Variants in TRAK2 observed in about 807,000 individuals in gnomAD.
TRAK2 encodes the protein trafficking kinesin protein 2, also known as trafficking kinesin-binding protein 2.
Under a neutral mutation model 104.6 loss-of-function variants are expected in TRAK2, and 81 were observed. That is an observed-to-expected ratio of 0.77 (90% CI 0.65 to 0.93). The LOEUF is 0.93. TRAK2 is among the 40% of genes least tolerant of loss of function. The pLI is 0.00. For missense variants in TRAK2, 1,002 were observed against 1,089.0 expected (o/e 0.92, Z 1.12); for synonymous variants, 406 against 394.4 (o/e 1.03, Z -0.35).
rs1343781640 is a variant in TRAK2, at chr2:201,379,716, C to T, written c.*827G>A. 1 of 152,426 alleles carries T rather than the reference C, an allele frequency of 6.6e-6. No homozygotes were observed. The highest frequency in any genetic ancestry group is 1.5e-5 in the Non-Finnish European group (1 of 68,002). 9.4% of individuals were successfully genotyped at this position (152,426 alleles called of 1,614,324 possible). ...ATGTTTGTATTCCTTGGCTACTGTA[C>T]TTATTCAGACGAAATATTCTAAAAA... On this transcript the variant is annotated 3_prime_UTR_variant, in exon 16 of 16. Coordinates refer to ENST00000332624, the MANE Select transcript of TRAK2 (RefSeq NM_015049.3).
intron 3 of TRAK2, 75 bp from the exon 4 acceptor site, chr2:201,401,169 GA>G: frequency 1.0e-6 from 1 of 961,270 alleles, no homozygotes; most frequent in South Asian, 2.0e-5. Flanking sequence ...AGAATTGAGA[GA>G]TAACAACAAC....
At chr2:201,395,048 T>G in intron 8 of TRAK2, 176 bp from the exon 9 acceptor site, 1 of 657,208 alleles carries the variant, frequency 1.5e-6, no homozygotes, top group Non-Finnish European at 2.6e-6. Flanking sequence ...TATCAAGGTG[T>G]TCAGAGGACA....
At chr2:201,385,379 G>A (rs1951379532) in intron 14 of TRAK2, among the ~76,000 whole-genome samples, 1 of 150,018 alleles carries the variant, frequency 6.7e-6, no homozygotes, top group African/African-American at 2.5e-5. Context: ...GTTTCACCAT[G>A]TTGGCCAGGC....
chr2:201,381,290 G>T (rs1456841536), intron 15 of TRAK2, 72 bp from the exon 16 acceptor site: 42 of 1,351,208 alleles, frequency 3.1e-5, no homozygotes, highest in Non-Finnish European at 4.1e-5. Flanking sequence ...GGCATTTAAA[G>T]AAATTATAGT....
intron 1 of TRAK2, among the ~76,000 whole-genome samples, chr2:201,439,201 A>G (rs1378430302): frequency 6.6e-6 from 1 of 152,168 alleles, no homozygotes; most frequent in Non-Finnish European, 1.5e-5. Flanking sequence ...CTGTTAGAAC[A>G]TGTGGAAATG....
intron 1 of TRAK2, among the ~76,000 whole-genome samples, chr2:201,440,323 C>G (rs1004765246): frequency 6.6e-6 from 1 of 152,128 alleles, no homozygotes. Context: ...CCCTTTCTAA[C>G]TCGCTGTTGG....
Position 201,416,744 on chromosome 2 carries a change from T to C in TRAK2, c.91+3673A>G, listed in dbSNP as rs143055675. On this transcript the variant is annotated intron_variant, in intron 2 of 15. Transcript: ENST00000332624. ...TTTAAGAGTGTCACTTTATTAAATATAATGTTATTTGAAGATGGGCTTTGA... is the reference window on the plus strand; with the variant it reads ...TTTAAGAGTGTCACTTTATTAAATACAATGTTATTTGAAGATGGGCTTTGA... Among the ~76,000 whole-genome samples the C allele has an allele frequency of 6.8e-3, 1,038 of 152,216 alleles. 5 individuals carry two copies. Among genetic ancestry groups the C allele is most frequent in the Non-Finnish European group, 8.4e-3 (569 of 68,004 alleles).
chr2:201,407,389 A>G lies in TRAK2; in HGVS notation c.286+14T>C, dbSNP rs767611008. 2 of 1,605,774 alleles carry G rather than the reference A, an allele frequency of 1.2e-6. No homozygotes were observed. The highest frequency in any genetic ancestry group is 1.7e-6 in the Non-Finnish European group (2 of 1,175,850). On this transcript the variant is annotated intron_variant, in intron 3 of 15. Coordinates refer to ENST00000332624, the MANE Select transcript of TRAK2 (RefSeq NM_015049.3). Reference sequence around the variant, plus strand: ...CTTTAATGCACAAACTAAAAGAGTAAAAAAAATACTCACTCATGTAACGGA... The same window carrying G: ...CTTTAATGCACAAACTAAAAGAGTAGAAAAAATACTCACTCATGTAACGGA...
chr2:201,413,399 A>G, intron 2 of TRAK2: 1 of 525,974 alleles, frequency 1.9e-6, no homozygotes, highest in Non-Finnish European at 3.3e-6. Context: ...CCCTAAACAC[A>G]GGCTGTTCCT....
intron 2 of TRAK2, chr2:201,419,106 T>A (rs187499166): frequency 6.6e-6 from 1 of 152,140 alleles, no homozygotes; most frequent in Non-Finnish European, 1.5e-5. Context: ...AGTAAGCACA[T>A]GAAAAGGTGC....
rs180906858 is a variant in TRAK2, at chr2:201,417,099, A to G, written c.91+3318T>C. 2.0e-3 allele frequency among the ~76,000 whole-genome samples: 292 copies of G among 143,212 alleles called. 1 individual carries two copies. Among genetic ancestry groups the G allele is most frequent in the Admixed American group, 2.3e-3 (32 of 14,150 alleles). 94.0% of individuals were successfully genotyped at this position (143,212 alleles called of 152,430 possible). On this transcript the variant is annotated intron_variant, in intron 2 of 15. Coordinates refer to ENST00000332624, the MANE Select transcript of TRAK2 (RefSeq NM_015049.3). ...TACACAGTTAAATGTAAAGATTCAG[A>G]TGAGTTTAAAAAGTAAAAACATGAA...
In TRAK2 at chr2:201,410,777, T is replaced by C. The variant is rs562564413; in HGVS notation, c.92-3180A>G. The stretch of plus-strand genomic sequence containing the variant: ...GGTTTCTGTTGTGATAATTGGTTCA[T>C]GCTAACTTTGGGTTTCTGAGGGCCA... On this transcript the variant is annotated intron_variant, in intron 2 of 15. Coordinates refer to ENST00000332624, the MANE Select transcript of TRAK2 (RefSeq NM_015049.3). The C allele has an allele frequency of 1.8e-5, 29 of 1,602,566 alleles. 1 individual carries two copies. Among genetic ancestry groups the C allele is most frequent in the African/African-American group, 1.3e-4 (10 of 74,824 alleles).
intron 1 of TRAK2, among the ~76,000 whole-genome samples, chr2:201,422,463 C>T (rs926335078): frequency 1.3e-5 from 2 of 151,508 alleles, no homozygotes; most frequent in Non-Finnish European, 2.9e-5. Context: ...TTAATTCATT[C>T]TCATGCCTGC....
At chr2:201,393,099 GA>G (rs997073385) in intron 9 of TRAK2, 53 bp from the exon 10 acceptor site, 15 of 1,526,684 alleles carry the variant, frequency 9.8e-6, no homozygotes, top group South Asian at 6.5e-5. Context: ...CAACATTAGG[GA>G]AAAAAAACCC....
At chr2:201,392,772 T>C (rs1426026167) in intron 10 of TRAK2, 137 bp downstream of exon 10, 2 of 799,042 alleles carry the variant, frequency 2.5e-6, no homozygotes, top group African/African-American at 1.7e-5. Flanking sequence ...AGGGCCTAAA[T>C]CAATAATTGG....
intron 1 of TRAK2, among the ~76,000 whole-genome samples, chr2:201,450,780 A>AT (rs888930563): frequency 8.0e-5 from 12 of 150,446 alleles, no homozygotes; most frequent in Non-Finnish European, 1.3e-4. Flanking sequence ...TATGACGCAG[A>AT]TTTTTTTTTA....
intron 14 of TRAK2, among the ~76,000 whole-genome samples, chr2:201,384,874 A>C (rs915531216): frequency 7.2e-5 from 11 of 152,224 alleles, no homozygotes; most frequent in African/African-American, 2.7e-4. Flanking sequence ...GGATGTATTA[A>C]GCACTCTTGC....
chr2:201,383,715 T>C (rs1307149952), intron 15 of TRAK2, among the ~76,000 whole-genome samples: 1 of 152,196 alleles, frequency 6.6e-6, no homozygotes, highest in Non-Finnish European at 1.5e-5. Flanking sequence ...TCTAGCAAAT[T>C]GCTGAACCTG....
chr2:201,422,911 C>T (rs1437167859), intron 1 of TRAK2, among the ~76,000 whole-genome samples: 1 of 152,020 alleles, frequency 6.6e-6, no homozygotes, highest in Non-Finnish European at 1.5e-5. Context: ...CCATTTCTTA[C>T]CAATTTCTAT....
Sources: gnomAD v4.1 joint callset for allele counts (sites outside exome capture counted in the v4.1 genomes callset) on GRCh38, gnomAD v4.1.1 for gene constraint, MANE v1.5 for transcripts, NCBI Gene and HGNC (gene_info 2026-07-23, HGNC 2026-07-21) for gene names.